Variants in MEGF9 observed in about 807,000 individuals in gnomAD.
The protein encoded by MEGF9 is multiple epidermal growth factor-like domains protein 9.
In MEGF9, 6 loss-of-function variants were observed where a neutral mutation model predicts 46.8. The observed-to-expected ratio is 0.13, with a 90% CI of 0.07 to 0.25. The LOEUF (loss-of-function observed/expected upper bound fraction) is 0.25. Among genes scored for constraint, MEGF9 ranks in the 10% least tolerant of loss-of-function variants. The probability of loss-of-function intolerance (pLI) is 1.00; values close to 1 mark genes in which losing one functional copy is unlikely to be tolerated. For synonymous variants in MEGF9, 302 were observed against 330.7 expected, an observed-to-expected ratio of 0.91 and a Z score of 0.94; for missense variants, 683 against 792.4, an observed-to-expected ratio of 0.86 and a Z score of 1.66.
intron 1 of MEGF9, among the ~76,000 whole-genome samples, chr9:120,711,844 T>C (rs10760114): frequency 0.64 from 91,667 of 142,896 alleles, 29,286 homozygotes; most frequent in South Asian, 0.74. Context: ...CATACATACA[T>C]ACACACACAC....
chr9:120,654,337 C>T lies in MEGF9; in HGVS notation c.803+5037G>A, dbSNP rs1031848308. 3.9e-4 allele frequency among the ~76,000 whole-genome samples: 60 copies of T among 152,048 alleles called. 1 individual carries two copies. Among genetic ancestry groups the T allele is most frequent in the Admixed American group, 3.7e-3 (56 of 15,270 alleles). On this transcript the variant is annotated intron_variant, in intron 2 of 5. Transcript: ENST00000373930. ...CACATAGAAAATAGTCCATATAGAA[C>T]AGGGAAAAATAATACAGTCAGGTGC...
chr9:120,712,461 C>G (rs535895776), intron 1 of MEGF9, among the ~76,000 whole-genome samples: 20 of 152,170 alleles, frequency 1.3e-4, no homozygotes, highest in Non-Finnish European at 2.8e-4. Flanking sequence ...AACCACTATG[C>G]TTCCTGTCTC....
intron 2 of MEGF9, among the ~76,000 whole-genome samples, chr9:120,649,622 T>G (rs952778328): frequency 6.6e-5 from 10 of 152,328 alleles, no homozygotes; most frequent in Admixed American, 3.9e-4. Flanking sequence ...TTTTCTTACT[T>G]GTTATTAATT....
In MEGF9 at chr9:120,701,061, G is replaced by A. The variant is rs547787234; in HGVS notation, c.601+12697C>T. 5.3e-5 allele frequency among the ~76,000 whole-genome samples: 8 copies of A among 151,500 alleles called. No individual in the cohort carries two copies. The South Asian group carries it at 8.3e-4, about 16-fold the overall frequency. ...TTGAACCCGGGAGGTCAAGGCTACC[G>A]TGAGCCACAATCACGCCACTGCACT... On this transcript the variant is annotated intron_variant, in intron 1 of 5. Transcript: ENST00000373930.
intron 1 of MEGF9, among the ~76,000 whole-genome samples, chr9:120,678,860 A>G (rs187711361): frequency 6.6e-6 from 1 of 152,340 alleles, no homozygotes; most frequent in Admixed American, 6.5e-5. Flanking sequence ...CTGGCTGAAC[A>G]GACACATGAA....
chr9:120,689,997 T>A (rs1206887583), intron 1 of MEGF9: 1 of 528,530 alleles, frequency 1.9e-6, no homozygotes, highest in East Asian at 5.5e-5. Context: ...GCTTTTCAGC[T>A]GAATAAACAA....
intron 2 of MEGF9, among the ~76,000 whole-genome samples, chr9:120,639,915 G>T (rs1356012038): frequency 6.6e-6 from 1 of 152,070 alleles, no homozygotes; most frequent in Non-Finnish European, 1.5e-5. Context: ...ACTCTAGTAC[G>T]ATTCATTGAT....
intron 2 of MEGF9, among the ~76,000 whole-genome samples, chr9:120,646,743 C>T (rs1408696639): frequency 1.3e-5 from 2 of 152,064 alleles, no homozygotes; most frequent in Admixed American, 1.3e-4. Context: ...TTGAATGAGA[C>T]CCATTATCTT....
chr9:120,618,923 C>T (rs1329086449), intron 3 of MEGF9, among the ~76,000 whole-genome samples: 1 of 151,530 alleles, frequency 6.6e-6, no homozygotes, highest in African/African-American at 2.4e-5. Flanking sequence ...ATTTTTAGTA[C>T]TTCTCTTTGT....
Position 120,601,361 on chromosome 9 carries a change from G to A in MEGF9, c.*3829C>T, listed in dbSNP as rs764601334. The A allele has an allele frequency of 1.3e-5, 2 of 152,198 alleles. No individual in the cohort carries two copies. The highest frequency in any genetic ancestry group is 2.9e-5 in the Non-Finnish European group (2 of 68,036). 9.4% of individuals were successfully genotyped at this position (152,198 alleles called of 1,614,324 possible). A position where few individuals can be genotyped will look rare whatever the true frequency, so the allele number is the denominator to read the frequency against. On this transcript the variant is annotated 3_prime_UTR_variant, in exon 6 of 6. Coordinates refer to ENST00000373930, the MANE Select transcript of MEGF9 (RefSeq NM_001080497.3). Reference sequence around the variant, plus strand: ...GCATCCTAAAAAGTGTAGGACCAAGGTGAATGATCTAATAACCCCATTCCA... The same window carrying A: ...GCATCCTAAAAAGTGTAGGACCAAGATGAATGATCTAATAACCCCATTCCA...
chr9:120,714,154 T>C lies in MEGF9; in HGVS notation c.205A>G (p.Arg69Gly). 8.1e-7 allele frequency: 1 copy of C among 1,235,562 alleles called. No homozygotes were observed. The allele number at this position is 1,235,562 out of a possible 1,614,324, so 76.5% of individuals were successfully genotyped here. Residue 69 changes from arginine (R) to glycine (G), a missense_variant, in exon 1 of 6, where the codon AGG (arginine) becomes GGG (glycine). Arg to Gly is a moderately radical substitution (Grantham distance 125, BLOSUM62 -2). Around this residue, in one of 2 missense-constraint regions of MEGF9, gnomAD observed 370 missense variants for 371.3 expected, o/e 1.00. Transcript: ENST00000373930. ...GCCTGGGCCGTGGGAGCCGTCGCCC[T>C]AGGGAAGGGGTGGCTGGGCTCGCCC... ...LRGEPSHPFP[R>G]ATAPTAQAPR...
intron 1 of MEGF9, among the ~76,000 whole-genome samples, chr9:120,691,626 AG>A (rs2043849032): frequency 6.6e-6 from 1 of 152,184 alleles, no homozygotes; most frequent in South Asian, 2.1e-4. Flanking sequence ...GACAATTTTA[AG>A]TAACATCAAT....
intron 2 of MEGF9, among the ~76,000 whole-genome samples, chr9:120,639,990 A>T (rs1238234147): frequency 2.0e-5 from 3 of 152,164 alleles, no homozygotes; most frequent in Admixed American, 2.0e-4. Context: ...GTCTTTATAC[A>T]TATGATTTAC....
rs550732754 is a variant in MEGF9 at position 120,704,251 on chromosome 9, T to C, written c.601+9507A>G. Among the ~76,000 whole-genome samples, 16 of 151,490 alleles carry C rather than the reference T, an allele frequency of 1.1e-4. No individual in the cohort carries two copies. The East Asian group carries it at 3.1e-3, about 29-fold the overall frequency. Reference sequence around the variant, plus strand: ...CGGGAGGCTGAGGCAGGAGAACTGCTAGAACCTATGAGGCAGAGGTTGCAG... The same window carrying C: ...CGGGAGGCTGAGGCAGGAGAACTGCCAGAACCTATGAGGCAGAGGTTGCAG... On this transcript the variant is annotated intron_variant, in intron 1 of 5. Transcript: ENST00000373930.
chr9:120,639,374 C>T (rs761441910), intron 2 of MEGF9, among the ~76,000 whole-genome samples: 10 of 151,642 alleles, frequency 6.6e-5, no homozygotes, highest in Non-Finnish European at 1.5e-4. Context: ...CCGGGCATGG[C>T]GGCATGCGCT....
intron 1 of MEGF9, among the ~76,000 whole-genome samples, chr9:120,697,792 G>A (rs1342942818): frequency 2.0e-5 from 3 of 152,094 alleles, no homozygotes; most frequent in South Asian, 2.1e-4. Context: ...TACTGAAAGC[G>A]AACCTGGATC....
intron 3 of MEGF9, among the ~76,000 whole-genome samples, chr9:120,613,074 T>C (rs75884819): frequency 0.037 from 5,573 of 152,198 alleles, 322 homozygotes; most frequent in African/African-American, 0.13. Context: ...CAGCCTCCAG[T>C]GATTCTCCTG....
intron 2 of MEGF9, among the ~76,000 whole-genome samples, chr9:120,653,226 A>G (rs1050538293): frequency 2.0e-5 from 3 of 152,208 alleles, no homozygotes; most frequent in Non-Finnish European, 4.4e-5. Flanking sequence ...CTACTAAGAA[A>G]TTCAGTGCTT....
chr9:120,690,044 C>A (rs750635873), intron 1 of MEGF9: 19 of 495,412 alleles, frequency 3.8e-5, no homozygotes, highest in Admixed American at 4.5e-5. Flanking sequence ...AATGGGTCTG[C>A]CCACTCAGAT....
Sources: gnomAD v4.1 joint callset for allele counts (sites outside exome capture counted in the v4.1 genomes callset) on GRCh38, gnomAD v4.1.1 for gene constraint, gnomAD v4.1.1 regional missense constraint, MANE v1.5 for transcripts, NCBI Gene and HGNC (gene_info 2026-07-23, HGNC 2026-07-21) for gene names.